The following SNCAIP variants were observed in gnomAD, a reference collection of about 807,000 sequenced individuals.
The protein encoded by SNCAIP is synuclein alpha interacting protein, also known as synphilin-1.
Under a neutral mutation model 86.7 loss-of-function variants are expected in SNCAIP, and 43 were observed. The observed-to-expected ratio is 0.50, with a 90% CI of 0.39 to 0.64. The LOEUF (loss-of-function observed/expected upper bound fraction) is 0.64. Ranked by LOEUF, SNCAIP falls within the 30% of genes least tolerant of loss-of-function variation. The pLI is 0.00. For synonymous variants in SNCAIP, 417 were observed against 427.2 expected (o/e 0.98, Z 0.29); for missense variants, 981 against 1,103.1 (o/e 0.89, Z 1.57).
intron 1 of SNCAIP, among the ~76,000 whole-genome samples, chr5:122,365,389 A>G (rs988748524): frequency 1.3e-5 from 2 of 152,182 alleles, no homozygotes; most frequent in Non-Finnish European, 2.9e-5. Flanking sequence ...TTATAGAAAG[A>G]TCCCTCTGGC....
In SNCAIP at chr5:122,346,507, A is replaced by G. The variant is rs181042716; in HGVS notation, c.-47+34223A>G. Among the ~76,000 whole-genome samples the G allele has an allele frequency of 2.1e-3, 323 of 152,204 alleles. 2 individuals are homozygous for G. The highest frequency in any genetic ancestry group is 7.2e-3 in the African/African-American group (301 of 41,544). ...GCAGTGAGGGAGTAGAGCTTGTCTC[A>G]AATAGCTGATGCTTTTTGCAAAAGC... On this transcript the variant is annotated intron_variant, in intron 1 of 10. Transcript: ENST00000261368.
At chr5:122,403,988 A>T (rs1257985714) in intron 3 of SNCAIP, 123 bp downstream of exon 3, 1 of 732,820 alleles carries the variant, frequency 1.4e-6, no homozygotes, top group African/African-American at 1.7e-5. Flanking sequence ...CGGCTTCTCC[A>T]CTCACACCAC....
chr5:122,404,337 T>C (rs905344226), intron 3 of SNCAIP, among the ~76,000 whole-genome samples: 5 of 152,164 alleles, frequency 3.3e-5, no homozygotes, highest in Non-Finnish European at 7.4e-5. Flanking sequence ...CTGTAACAGT[T>C]AAGATTAAAG....
chr5:122,409,465 G>A (rs956597701), intron 3 of SNCAIP, among the ~76,000 whole-genome samples: 1 of 152,118 alleles, frequency 6.6e-6, no homozygotes, highest in Non-Finnish European at 1.5e-5. Context: ...TAGATGTGCT[G>A]GATTTAGAAA....
intron 7 of SNCAIP, 136 bp from the exon 8 acceptor site, chr5:122,444,427 T>G (rs2152983417): frequency 2.5e-6 from 2 of 790,584 alleles, no homozygotes; most frequent in East Asian, 4.9e-5. Flanking sequence ...TCATAGACTC[T>G]GAAGGGAGGT....
chr5:122,376,795 C>T (rs770338605), intron 1 of SNCAIP, among the ~76,000 whole-genome samples: 2 of 152,122 alleles, frequency 1.3e-5, no homozygotes, highest in Non-Finnish European at 2.9e-5. Flanking sequence ...CAGAGATGGT[C>T]ATGGCAGCAC....
chr5:122,334,007 C>T (rs917068707), intron 1 of SNCAIP, among the ~76,000 whole-genome samples: 1 of 152,048 alleles, frequency 6.6e-6, no homozygotes, highest in African/African-American at 2.4e-5. Flanking sequence ...GCATAGAAGA[C>T]TGAGTTTTGT....
At chr5:122,368,886 G>C (rs906555258) in intron 1 of SNCAIP, among the ~76,000 whole-genome samples, 19 of 152,148 alleles carry the variant, frequency 1.2e-4, no homozygotes, top group South Asian at 1.2e-3. Flanking sequence ...ATTGAAAATA[G>C]CTGTAGGCAG....
intron 1 of SNCAIP, among the ~76,000 whole-genome samples, chr5:122,382,924 G>A (rs1767216120): frequency 6.6e-6 from 1 of 152,178 alleles, no homozygotes; most frequent in Non-Finnish European, 1.5e-5. Context: ...TGCGTGCTGG[G>A]AGAACCACTG....
intron 1 of SNCAIP, among the ~76,000 whole-genome samples, chr5:122,355,620 T>G (rs1760839739): frequency 6.6e-6 from 1 of 152,194 alleles, no homozygotes; most frequent in Admixed American, 6.5e-5. Context: ...TATGTTTCTT[T>G]AACACCAGAA....
At chr5:122,432,149 A>G (rs1778539352) in intron 6 of SNCAIP, 67 bp downstream of exon 6, 2 of 756,210 alleles carry the variant, frequency 2.6e-6, no homozygotes, top group Middle Eastern at 2.9e-4. Context: ...TTTTATTATT[A>G]GTCCATCAAA....
chr5:122,341,762 A>G (rs951104041), intron 1 of SNCAIP, among the ~76,000 whole-genome samples: 3 of 152,120 alleles, frequency 2.0e-5, no homozygotes, highest in Non-Finnish European at 4.4e-5. Context: ...GCAGGCTCCA[A>G]CCATGTAAAA....
At chr5:122,458,530 A>G (rs1023838624) in intron 10 of SNCAIP, among the ~76,000 whole-genome samples, 6 of 152,228 alleles carry the variant, frequency 3.9e-5, no homozygotes, top group African/African-American at 1.4e-4. Flanking sequence ...CAAAGAAGCA[A>G]TAGGTTAGTT....
At chr5:122,421,298 T>C (rs1776312988) in intron 3 of SNCAIP, among the ~76,000 whole-genome samples, 1 of 152,204 alleles carries the variant, frequency 6.6e-6, no homozygotes, top group African/African-American at 2.4e-5. Context: ...CATGCAAAAC[T>C]GTGGTCAATT....
At chr5:122,437,487 G>A (rs1431882225) in intron 6 of SNCAIP, 3 of 152,088 alleles carry the variant, frequency 2.0e-5, no homozygotes, top group Admixed American at 6.6e-5. Context: ...ATTGTATAAT[G>A]GAAGATTTTG....
At chr5:122,405,068 G>A (rs1160915384) in intron 3 of SNCAIP, among the ~76,000 whole-genome samples, 6 of 152,186 alleles carry the variant, frequency 3.9e-5, no homozygotes, top group Non-Finnish European at 8.8e-5. Context: ...ATAAGGATGT[G>A]TCTTCTTAAA....
rs1385625048 is a variant in SNCAIP, at chr5:122,423,711, T to C, written c.974T>C (p.Ile325Thr). The change falls in exon 4 of 11, where the codon ATT becomes ACT. Residue 325 changes from isoleucine to threonine, a missense_variant. By Grantham distance (89) the Ile-to-Thr change is moderately conservative. Transcript: ENST00000261368. ...AAAAAAGTGAAAAGCATCTTGAACA[T>C]TGTTAAAGAAGGACAGATCTCTCTC... ...YLKKVKSILN[I>T]VKEGQISLLP... 2 of 1,602,624 alleles carry C rather than the reference T, an allele frequency of 1.2e-6. No homozygotes were observed. Among genetic ancestry groups the C allele is most frequent in the East Asian group, 2.2e-5 (1 of 44,880 alleles).
chr5:122,452,380 T>C (rs1423111527), intron 10 of SNCAIP, among the ~76,000 whole-genome samples: 1 of 152,230 alleles, frequency 6.6e-6, no homozygotes, highest in African/African-American at 2.4e-5. Context: ...CAAAACTCTC[T>C]GTGGAATGGA....
At chr5:122,352,005 T>G (rs1426771210) in intron 1 of SNCAIP, among the ~76,000 whole-genome samples, 1 of 152,204 alleles carries the variant, frequency 6.6e-6, no homozygotes, top group African/African-American at 2.4e-5. Flanking sequence ...CAACAAGGCT[T>G]ATGAATGATC....
Sources: allele counts gnomAD v4.1 joint callset (sites outside exome capture counted in the v4.1 genomes callset), GRCh38; gene constraint gnomAD v4.1.1; transcripts MANE v1.5; gene names NCBI Gene and HGNC (gene_info 2026-07-23, HGNC 2026-07-21).